Variants in SYNM observed in about 807,000 individuals in gnomAD.
SYNM encodes the protein synemin, also known as desmuslin.
A neutral mutation model predicts 104.0 loss-of-function variants in SYNM; 95 were observed. The observed-to-expected ratio is 0.91, with a 90% CI of 0.77 to 1.08. SYNM has a LOEUF of 1.08. Ranked by LOEUF, SYNM falls within the 50% of genes least tolerant of loss-of-function variation. SYNM has a pLI of 0.00. For missense variants in SYNM, 2,150 were observed against 2,052.2 expected, an observed-to-expected ratio of 1.05 and a Z score of -0.92; for synonymous variants, 918 against 869.0, an observed-to-expected ratio of 1.06 and a Z score of -0.99.
At chr15:99,128,269 A>G (rs2067465646) in intron 3 of SYNM, among the ~76,000 whole-genome samples, 1 of 152,244 alleles carries the variant, frequency 6.6e-6, no homozygotes, top group African/African-American at 2.4e-5. Context: ...AATATTGCAT[A>G]AAATAATGTT....
intron 2 of SYNM, among the ~76,000 whole-genome samples, chr15:99,121,387 G>A (rs1478100411): frequency 2.6e-5 from 4 of 152,106 alleles, no homozygotes; most frequent in Middle Eastern, 3.2e-3. Context: ...GTTTCCTGCA[G>A]TCGCTAGCGC....
At chr15:99,115,906 C>T (rs2067344602) in intron 2 of SYNM, among the ~76,000 whole-genome samples, 1 of 152,254 alleles carries the variant, frequency 6.6e-6, no homozygotes, top group African/African-American at 2.4e-5. Context: ...GGAAGACTTA[C>T]ATCAGCCAGG....
At chr15:99,139,035 C>T, downstream of SYNM, 4 of 470,332 alleles carry the variant, frequency 8.5e-6, no homozygotes, top group South Asian at 2.0e-5. Context: ...ATTCCCGGGG[C>T]CCTCCCCCTG....
intron 3 of SYNM, among the ~76,000 whole-genome samples, chr15:99,127,539 C>T (rs1480439777): frequency 2.0e-5 from 3 of 152,160 alleles, no homozygotes; most frequent in Non-Finnish European, 4.4e-5. Flanking sequence ...TGGTTTTAGT[C>T]TTCATTGTTT....
intron 2 of SYNM, among the ~76,000 whole-genome samples, chr15:99,117,508 G>A (rs2067360563): frequency 1.3e-5 from 2 of 152,254 alleles, no homozygotes; most frequent in Admixed American, 6.5e-5. Context: ...ACTGACTTCT[G>A]TGTGTTAGGT....
At chr15:99,118,044 T>C (rs2067365826) in intron 2 of SYNM, among the ~76,000 whole-genome samples, 1 of 152,200 alleles carries the variant, frequency 6.6e-6, no homozygotes, top group African/African-American at 2.4e-5. Flanking sequence ...TGCCAGGAGC[T>C]TGCCTGACAG....
chr15:99,116,183 G>A (rs1555483916), intron 2 of SYNM, among the ~76,000 whole-genome samples: 1 of 152,282 alleles, frequency 6.6e-6, no homozygotes, highest in East Asian at 1.9e-4. Context: ...GATGTTGCCA[G>A]ACTGGACTTC....
At position 99,126,444 on chromosome 15, in the gene SYNM, C is replaced by G. The variant is rs2242075; in HGVS notation, c.936-278C>G. On this transcript the variant is annotated intron_variant, in intron 2 of 3. Coordinates refer to ENST00000336292, the MANE Select transcript of SYNM (RefSeq NM_145728.3). ...TCGCCAGTACTGCCGAAGCCCTGGCCTGGTCATTTTGTTCACTGGGCTAGT... is the reference window on the plus strand; with the variant it reads ...TCGCCAGTACTGCCGAAGCCCTGGCGTGGTCATTTTGTTCACTGGGCTAGT... Among the ~76,000 whole-genome samples the G allele has an allele frequency of 1.8e-3, 275 of 152,364 alleles. 6 individuals are homozygous for G. The East Asian group carries it at 0.044, about 24-fold the overall frequency.
At chr15:99,139,630 C>A, downstream of SYNM, 1 of 1,503,580 alleles carries the variant, frequency 6.7e-7, no homozygotes. Context: ...CTGTGACTAT[C>A]TGTATGCAAA....
At chr15:99,114,314 G>C (rs1490368534) in intron 2 of SYNM, among the ~76,000 whole-genome samples, 3 of 152,186 alleles carry the variant, frequency 2.0e-5, no homozygotes, top group South Asian at 2.1e-4. Context: ...TAAAGCATCA[G>C]ATCTCATGAG....
In SYNM at chr15:99,105,958, C is replaced by T. The variant is rs1364310737; in HGVS notation, c.759C>T (p.Asp253=). 2 of 1,516,382 alleles carry T rather than the reference C, an allele frequency of 1.3e-6. No homozygotes were observed. The highest frequency in any genetic ancestry group is 2.0e-5 in the Admixed American group (1 of 48,914). 93.9% of individuals were successfully genotyped at this position (1,516,382 alleles called of 1,614,324 possible). Residue 253 remains aspartate, a synonymous_variant, in exon 1 of 4, where the codon GAC becomes GAT. Coordinates refer to ENST00000336292, the MANE Select transcript of SYNM (RefSeq NM_145728.3). ...GLEQLRARLE[D]ALLRMREEYG... Reference sequence around the variant, plus strand: ...AGCAGCTGCGCGCGCGGCTGGAGGACGCGCTGCTGCGGATGCGCGAGGAGT... The same window carrying T: ...AGCAGCTGCGCGCGCGGCTGGAGGATGCGCTGCTGCGGATGCGCGAGGAGT...
In SYNM at chr15:99,105,554, G is replaced by C. The variant is rs2067225598; in HGVS notation, c.355G>C (p.Glu119Gln). 1 of 1,195,798 alleles carries C rather than the reference G, an allele frequency of 8.4e-7. No individual in the cohort carries two copies. The highest frequency in any genetic ancestry group is 3.7e-5 in the South Asian group (1 of 26,988). The allele number at this position is 1,195,798 out of a possible 1,614,324, so 74.1% of individuals were successfully genotyped here. Reference protein sequence around the residue: ...LDAELGAQQRELQEALGARAA... With the variant: ...LDAELGAQQRQLQEALGARAA... ...CGCCGAGCTGGGTGCGCAGCAGCGC[G>C]AGCTGCAGGAGGCGCTGGGCGCGCG... The change falls in exon 1 of 4, where the codon GAG (glutamate) becomes CAG (glutamine). Residue 119 changes from glutamate (E) to glutamine (Q), a missense_variant. Transcript: ENST00000336292.
Position 99,129,791 on chromosome 15 carries a change from C to A in SYNM, c.1431C>A (p.Asp477Glu), listed in dbSNP as rs1280638994. Residue 477 changes from aspartate to glutamate, a missense_variant, in exon 4 of 4, where the codon GAC becomes GAA. By Grantham distance (45) the Asp-to-Glu change is conservative. Transcript: ENST00000336292. ...IARESYRDRRDKVAAGASEST... is the reference protein window; with the variant it reads ...IARESYRDRREKVAAGASEST... ...GCGAGTCGTACCGGGATCGCCGAGA[C>A]AAGGTGGCAGCAGGTGCTTCGGAAA... The A allele has an allele frequency of 6.2e-7, 1 of 1,613,424 alleles. No individual in the cohort carries two copies. The highest frequency in any genetic ancestry group is 8.5e-7 in the Non-Finnish European group (1 of 1,179,682).
At chr15:99,137,718 AGAG>A (rs2067702792), downstream of SYNM, 5 of 394,814 alleles carry the variant, frequency 1.3e-5, no homozygotes, top group Non-Finnish European at 2.3e-5. Flanking sequence ...GAACTGTTGA[AGAG>A]AAGTTTTTCA....
At chr15:99,138,305 C>A (rs1411664991), downstream of SYNM, among the ~76,000 whole-genome samples, 2 of 151,906 alleles carry the variant, frequency 1.3e-5, no homozygotes, top group African/African-American at 4.8e-5. Flanking sequence ...TTCCTCCCAT[C>A]TTTTATTTTT....
chr15:99,107,001 C>T (rs1567272987), intron 1 of SYNM, among the ~76,000 whole-genome samples: 2 of 152,182 alleles, frequency 1.3e-5, no homozygotes, highest in East Asian at 1.9e-4. Context: ...GGAATGACTG[C>T]GGTGATGTGA....
chr15:99,129,669 A>G lies in SYNM; in HGVS notation c.1309A>G (p.Asn437Asp). The G allele has an allele frequency of 6.2e-7, 1 of 1,613,938 alleles. No individual in the cohort carries two copies. Among genetic ancestry groups the G allele is most frequent in the South Asian group, 1.1e-5 (1 of 91,080 alleles). ...CTCTCCAACCTATGGCCTTTTAAGA[A>G]ATACTGAGGCTCAAGTGAAAACATT... ...TFSPTYGLLR[N>D]TEAQVKTFPD... Residue 437 changes from asparagine to aspartate, a missense_variant, in exon 4 of 4, where the codon AAT (asparagine) becomes GAT (aspartate). Coordinates refer to ENST00000336292, the MANE Select transcript of SYNM (RefSeq NM_145728.3).
At chr15:99,139,827 T>C (rs1465909996), downstream of SYNM, 5 of 1,070,736 alleles carry the variant, frequency 4.7e-6, no homozygotes, top group Non-Finnish European at 6.3e-6. Context: ...GTCTATACTC[T>C]TGACTACACA....
At chr15:99,126,831 C>T in intron 3 of SYNM, 39 bp downstream of exon 3, 2 of 1,536,474 alleles carry the variant, frequency 1.3e-6, no homozygotes, top group South Asian at 1.2e-5. Context: ...CTTTAGGCAT[C>T]TGAACTGTTT....
Sources: gnomAD v4.1 joint callset for allele counts (sites outside exome capture counted in the v4.1 genomes callset) on GRCh38, gnomAD v4.1.1 for gene constraint, MANE v1.5 for transcripts, NCBI Gene and HGNC (gene_info 2026-07-23, HGNC 2026-07-21) for gene names.